Variants in TBCK observed in about 807,000 individuals in gnomAD.
The protein encoded by TBCK is TBC1 domain containing kinase.
In TBCK, 99 loss-of-function variants were observed where a neutral mutation model predicts 113.4. The ratio of observed to expected loss-of-function variants is 0.87; its 90% CI spans 0.74 to 1.03. The LOEUF is 1.03. Among genes scored for constraint, TBCK ranks in the 50% least tolerant of loss-of-function variants. The pLI, the probability that TBCK is intolerant of heterozygous loss-of-function variation, is 0.00. For synonymous variants in TBCK, 369 were observed against 370.8 expected (o/e 1.00, Z 0.05); for missense variants, 1,045 against 1,061.3 (o/e 0.98, Z 0.21).
intron 3 of TBCK, among the ~76,000 whole-genome samples, chr4:106,265,559 A>G (rs1226371234): frequency 6.6e-6 from 1 of 151,764 alleles, no homozygotes; most frequent in Admixed American, 6.6e-5. Flanking sequence ...CAAGAGGGAA[A>G]GAGACAGAGA....
intron 23 of TBCK, among the ~76,000 whole-genome samples, chr4:106,137,355 T>G (rs1328594881): frequency 7.1e-6 from 1 of 140,440 alleles, no homozygotes; most frequent in African/African-American, 2.5e-5. Context: ...TAGGGTAATA[T>G]TAATCAATTC....
Position 106,230,358 on chromosome 4 carries a change from C to T in TBCK, c.1774+5G>A. 3.2e-6 allele frequency: 5 copies of T among 1,552,972 alleles called. No homozygotes were observed. The highest frequency in any genetic ancestry group is 4.4e-6 in the Non-Finnish European group (5 of 1,134,020). On this transcript the variant is annotated splice_donor_5th_base_variant and intron_variant, in intron 19 of 25. Transcript: ENST00000394708. ...TGTAGAAAGACATGGAAGACATTTG[C>T]TTACCTTGTATTACATGTGAGTTGT...
intron 24 of TBCK, among the ~76,000 whole-genome samples, chr4:106,105,930 C>T (rs1029852093): frequency 6.6e-6 from 1 of 152,020 alleles, no homozygotes; most frequent in Admixed American, 6.6e-5. Context: ...ATGACAGAAA[C>T]AGAATTCAGA....
intron 25 of TBCK, among the ~76,000 whole-genome samples, chr4:106,076,965 G>A (rs530089473): frequency 6.6e-6 from 1 of 152,238 alleles, no homozygotes; most frequent in South Asian, 2.1e-4. Context: ...TTACCCAGGT[G>A]TGGTGACATG....
chr4:106,089,014 C>A (rs1578859072), intron 25 of TBCK, among the ~76,000 whole-genome samples: 1 of 150,024 alleles, frequency 6.7e-6, no homozygotes, highest in Admixed American at 6.7e-5. Flanking sequence ...ATGTAACAAA[C>A]CTGCATGTTC....
rs1263297803 is a variant in TBCK at position 106,247,347 on chromosome 4, T to G, written c.783-60A>C. On this transcript the variant is annotated intron_variant, in intron 9 of 25. Transcript: ENST00000394708. Reference sequence around the variant, plus strand: ...AGTCATAAAAAATTTCCTAGAATAATGGCATACATTCAAGAGAATGGATAA... The same window carrying G: ...AGTCATAAAAAATTTCCTAGAATAAGGGCATACATTCAAGAGAATGGATAA... 4 of 1,505,134 alleles carry G rather than the reference T, an allele frequency of 2.7e-6. No homozygotes were observed. The African/African-American group carries it at 5.6e-5, about 21-fold the overall frequency. The allele number at this position is 1,505,134 out of a possible 1,614,324, so 93.2% of individuals were successfully genotyped here.
At chr4:106,256,588 G>T (rs1762014545) in intron 5 of TBCK, among the ~76,000 whole-genome samples, 1 of 152,190 alleles carries the variant, frequency 6.6e-6, no homozygotes, top group South Asian at 2.1e-4. Context: ...GGGAGAGCAG[G>T]GCTCCTGCCT....
intron 25 of TBCK, among the ~76,000 whole-genome samples, chr4:106,061,375 G>A (rs779942106): frequency 7.3e-5 from 11 of 151,312 alleles, no homozygotes; most frequent in Non-Finnish European, 1.5e-4. Context: ...TCAGTGTGGA[G>A]GCAAGACCTT....
chr4:106,231,267 C>T (rs1470497061), intron 18 of TBCK, among the ~76,000 whole-genome samples: 1 of 150,666 alleles, frequency 6.6e-6, no homozygotes, highest in Admixed American at 6.6e-5. Context: ...AAAAATATTA[C>T]AACATTAGTA....
At chr4:106,283,342 T>A (rs72876590) in intron 3 of TBCK, among the ~76,000 whole-genome samples, 25,584 of 152,082 alleles carry the variant, frequency 0.17, 2,154 homozygotes, top group South Asian at 0.25. Context: ...AACTGTAGAC[T>A]AACAATTATA....
chr4:106,168,679 C>T (rs1051082510), intron 23 of TBCK, among the ~76,000 whole-genome samples: 5 of 151,806 alleles, frequency 3.3e-5, no homozygotes, highest in South Asian at 2.1e-4. Flanking sequence ...CAAACGCTTT[C>T]CTGTATACCT....
chr4:106,302,017 C>T (rs1415779052), intron 2 of TBCK, among the ~76,000 whole-genome samples: 1 of 152,184 alleles, frequency 6.6e-6, no homozygotes, highest in South Asian at 2.1e-4. Context: ...CAGACTTTTA[C>T]ATAAGCAATT....
chr4:106,182,585 T>G (rs565771217), intron 22 of TBCK: 3 of 152,176 alleles, frequency 2.0e-5, no homozygotes, highest in Non-Finnish European at 4.4e-5. Context: ...TGAAAGGCTG[T>G]TGAATTTTGT....
At chr4:106,128,487 A>G (rs1745490853) in intron 23 of TBCK, among the ~76,000 whole-genome samples, 1 of 152,198 alleles carries the variant, frequency 6.6e-6, no homozygotes, top group Admixed American at 6.5e-5. Flanking sequence ...CACACAACAA[A>G]ATGATTAGCT....
chr4:106,195,482 A>ATATGTGTGTGTGTG (rs1553957246), intron 20 of TBCK, among the ~76,000 whole-genome samples: 4 of 2,060 alleles, frequency 1.9e-3, no homozygotes, highest in African/African-American at 0.016. Flanking sequence ...ATCTGGTTAA[A>ATATGTGTGTGTGTG]TGTGTGTGTT....
chr4:106,121,657 A>C (rs953963410), intron 23 of TBCK, among the ~76,000 whole-genome samples: 1 of 152,220 alleles, frequency 6.6e-6, no homozygotes. Context: ...AAAAGAATAG[A>C]GATTATAACA....
chr4:106,065,989 A>G (rs953921397), intron 25 of TBCK, among the ~76,000 whole-genome samples: 9 of 152,062 alleles, frequency 5.9e-5, no homozygotes, highest in Admixed American at 3.9e-4. Flanking sequence ...TACAAATACA[A>G]AAGGGGAAGT....
At chr4:106,198,816 G>A (rs1175231307) in intron 20 of TBCK, among the ~76,000 whole-genome samples, 6 of 152,118 alleles carry the variant, frequency 3.9e-5, no homozygotes, top group African/African-American at 1.4e-4. Flanking sequence ...TCTAGCAGAA[G>A]AGTCAGACAT....
chr4:106,262,134 CCT>C lies in TBCK; in HGVS notation c.343_344del (p.Arg115GlyfsTer6). On this transcript the variant is annotated frameshift_variant, in exon 4 of 26. Coordinates refer to ENST00000394708, the MANE Select transcript of TBCK (RefSeq NM_001163435.3). LOFTEE classifies it high-confidence loss of function. ...ACAGGATATTATGAGGAGACAATGC[CCT>C]GTGTACTATACCATGTTTGTTCATA... ...QYMNKHGIVH[R>X]ALSPHNILLD... is the part of the protein sequence containing the mutation. 1 of 1,546,274 alleles carries C rather than the reference CCT, an allele frequency of 6.5e-7. No homozygotes were observed.
Sources: gnomAD v4.1 joint callset for allele counts (sites outside exome capture counted in the v4.1 genomes callset) on GRCh38, gnomAD v4.1.1 for gene constraint, MANE v1.5 for transcripts, NCBI Gene and HGNC (gene_info 2026-07-23, HGNC 2026-07-21) for gene names.